CLMP: variants seen among roughly 807,000 people sequenced by gnomAD.
CLMP encodes the protein CXADR-like membrane protein.
CLMP carries 27 observed loss-of-function variants against 45.2 expected under a neutral mutation model. The ratio of observed to expected loss-of-function variants is 0.60; its 90% confidence interval spans 0.44 to 0.82. The LOEUF (loss-of-function observed/expected upper bound fraction) is 0.82, where lower values mean the gene tolerates loss of function less well. Ranked by LOEUF, CLMP falls within the 40% of genes least tolerant of loss-of-function variation. The pLI, the probability that CLMP is intolerant of heterozygous loss-of-function variation, is 0.00. For synonymous variants in CLMP, 167 were observed against 171.4 expected, an observed-to-expected ratio of 0.97 and a Z score of 0.20; for missense variants, 403 against 448.4, an observed-to-expected ratio of 0.90 and a Z score of 0.91.
chr11:123,175,894 GCTGTGAGT>G (rs1442841274), intron 1 of CLMP, among the ~76,000 whole-genome samples: 4 of 152,226 alleles, frequency 2.6e-5, no homozygotes, highest in African/African-American at 7.2e-5. Context: ...GACTCCTGCA[GCTGTGAGT>G]TGCCTCAAGA....
chr11:123,091,604 C>T (rs767656067), intron 2 of CLMP, among the ~76,000 whole-genome samples: 2 of 152,176 alleles, frequency 1.3e-5, no homozygotes, highest in Non-Finnish European at 2.9e-5. Context: ...AGCCTATGCA[C>T]GTCTCCTACT....
At chr11:123,174,087 A>C (rs1011343645) in intron 1 of CLMP, among the ~76,000 whole-genome samples, 1 of 152,130 alleles carries the variant, frequency 6.6e-6, no homozygotes, top group Non-Finnish European at 1.5e-5. Context: ...GTTTCAAAAA[A>C]AATTTTTTTT....
rs1302736552 is a variant in CLMP at position 123,072,024 on chromosome 11, T to C, written c.*1450A>G. 1 of 152,210 alleles carries C rather than the reference T, an allele frequency of 6.6e-6. No individual in the cohort carries two copies. Among genetic ancestry groups the C allele is most frequent in the Admixed American group, 6.5e-5 (1 of 15,268 alleles). 9.4% of individuals were successfully genotyped at this position (152,210 alleles called of 1,614,324 possible). On this transcript the variant is annotated 3_prime_UTR_variant, in exon 7 of 7. Transcript: ENST00000448775. Reference sequence around the variant, plus strand: ...GCCCTCTCCTGCCACCCACTACTTATTCTCATCTCTTCCCTAAATATTAGT... The same window carrying C: ...GCCCTCTCCTGCCACCCACTACTTACTCTCATCTCTTCCCTAAATATTAGT...
rs185664299 is a variant in CLMP at position 123,083,128 on chromosome 11, G to A, written c.636C>T (p.Asn212=). ...CCACACAGCTTTCCTTCCCAGCTTCGTTGCCTGCTGTGCACTGGTACAGTC... is the reference window on the plus strand; with the variant it reads ...CCACACAGCTTTCCTTCCCAGCTTCATTGCCTGCTGTGCACTGGTACAGTC... ...YSGLYQCTAG[N]EAGKESCVVR... The change falls in exon 5 of 7, where the codon AAC becomes AAT. Residue 212 remains asparagine (N), a synonymous_variant. Transcript: ENST00000448775. 6.3e-5 allele frequency: 102 copies of A among 1,614,084 alleles called. 1 individual carries two copies. The East Asian group carries it at 1.2e-3, about 19-fold the overall frequency.
At chr11:123,129,584 TG>T (rs1860954783) in intron 1 of CLMP, among the ~76,000 whole-genome samples, 5 of 136,606 alleles carry the variant, frequency 3.7e-5, no homozygotes. Flanking sequence ...TAATATATAT[TG>T]TAATTATATA....
At chr11:123,147,953 T>G (rs2135522509) in intron 1 of CLMP, among the ~76,000 whole-genome samples, 1 of 152,108 alleles carries the variant, frequency 6.6e-6, no homozygotes, top group South Asian at 2.1e-4. Flanking sequence ...GCTGGAATGA[T>G]AGGCATGAGC....
chr11:123,157,062 G>A (rs1471527575), intron 1 of CLMP, among the ~76,000 whole-genome samples: 1 of 152,174 alleles, frequency 6.6e-6, no homozygotes, highest in Admixed American at 6.5e-5. Context: ...TTTATCACCT[G>A]GCTCTGAATT....
intron 1 of CLMP, among the ~76,000 whole-genome samples, chr11:123,106,537 T>C (rs1860560186): frequency 6.6e-6 from 1 of 151,958 alleles, no homozygotes; most frequent in Non-Finnish European, 1.5e-5. Context: ...GTCTGAGAGG[T>C]CTGGACTTGA....
chr11:123,184,254 C>T (rs899228490), intron 1 of CLMP, among the ~76,000 whole-genome samples: 1 of 152,060 alleles, frequency 6.6e-6, no homozygotes, highest in African/African-American at 2.4e-5. Context: ...GCCACCACGC[C>T]AGGCTAATTT....
intron 1 of CLMP, 89 bp downstream of exon 1, chr11:123,194,824 G>A: frequency 6.6e-7 from 1 of 1,524,542 alleles, no homozygotes; most frequent in Non-Finnish European, 9.1e-7. Context: ...GGGCTGCAGG[G>A]ACACCCGGTC....
At chr11:123,135,185 G>A (rs1412788703) in intron 1 of CLMP, among the ~76,000 whole-genome samples, 7 of 150,092 alleles carry the variant, frequency 4.7e-5, no homozygotes, top group African/African-American at 1.2e-4. Context: ...GCTTGAACCC[G>A]GGAGACAGAG....
chr11:123,128,885 A>ATTTT (rs1860940349), intron 1 of CLMP, among the ~76,000 whole-genome samples: 2 of 152,104 alleles, frequency 1.3e-5, no homozygotes, highest in Non-Finnish European at 2.9e-5. Flanking sequence ...ACCCCATACA[A>ATTTT]TAGGTATGAT....
In CLMP at chr11:123,194,961, G is replaced by C. The variant is rs1393172772; in HGVS notation, c.-21C>G. 2.5e-6 allele frequency: 4 copies of C among 1,611,058 alleles called. No individual in the cohort carries two copies. The highest frequency in any genetic ancestry group is 1.7e-4 in the Middle Eastern group (1 of 6,036). On this transcript the variant is annotated 5_prime_UTR_variant, in exon 1 of 7. Coordinates refer to ENST00000448775, the MANE Select transcript of CLMP (RefSeq NM_024769.5). ...GACATCCCGATCCCCGGACGCGGGC[G>C]CTTCCCCGCTCAGCTGCTGCTTGGC...
chr11:123,142,192 C>T (rs1001116139), intron 1 of CLMP, among the ~76,000 whole-genome samples: 3 of 151,932 alleles, frequency 2.0e-5, no homozygotes, highest in African/African-American at 4.8e-5. Context: ...GCCATGTTGC[C>T]CAGGTTGGTT....
intron 1 of CLMP, among the ~76,000 whole-genome samples, chr11:123,173,092 C>T (rs567319716): frequency 1.2e-4 from 18 of 152,338 alleles, no homozygotes; most frequent in African/African-American, 4.1e-4. Flanking sequence ...TTAACATCCT[C>T]TTTTCCTAGA....
intron 1 of CLMP, among the ~76,000 whole-genome samples, chr11:123,107,456 C>T (rs544263814): frequency 1.3e-5 from 2 of 152,056 alleles, no homozygotes; most frequent in South Asian, 4.2e-4. Flanking sequence ...GTCTCAAAGT[C>T]CTGACCTCAG....
intron 1 of CLMP, among the ~76,000 whole-genome samples, chr11:123,147,257 A>G (rs555780689): frequency 6.6e-6 from 1 of 152,122 alleles, no homozygotes; most frequent in African/African-American, 2.4e-5. Flanking sequence ...TTCCAGCTAC[A>G]CTGAGTTGCC....
rs528513453 is a variant in CLMP, at chr11:123,074,753, C to T, written c.770G>A (p.Arg257Gln). 2.7e-5 allele frequency: 43 copies of T among 1,614,134 alleles called. No homozygotes were observed. Among genetic ancestry groups the T allele is most frequent in the African/African-American group, 5.3e-5 (4 of 75,046 alleles). ...CTCATATCTTTCTTTGTCTTTCCTT[C>T]GGATTAGCAGCCACACCAAGAGGAA... is the stretch of plus-strand genomic sequence containing the variant. ...LIFLLVWLLI[R>Q]RKDKERYEEE... is the part of the protein sequence containing the mutation. Residue 257 changes from arginine (R) to glutamine (Q), a missense_variant, in exon 6 of 7, where the codon CGA (arginine) becomes CAA (glutamine). By Grantham distance (43) the Arg-to-Gln change is conservative. Transcript: ENST00000448775.
intron 1 of CLMP, among the ~76,000 whole-genome samples, chr11:123,177,515 A>G (rs1224740057): frequency 6.6e-6 from 1 of 152,228 alleles, no homozygotes; most frequent in African/African-American, 2.4e-5. Context: ...TGAGGGGTTC[A>G]TGGGAATCTG....
Sources: gnomAD v4.1 joint callset for allele counts (sites outside exome capture counted in the v4.1 genomes callset) on GRCh38, gnomAD v4.1.1 for gene constraint, MANE v1.5 for transcripts, NCBI Gene and HGNC (gene_info 2026-07-23, HGNC 2026-07-21) for gene names.